CPSF4L: variants seen among roughly 807,000 people sequenced by gnomAD.
CPSF4L encodes the protein cleavage and polyadenylation specific factor 4 like, also known as putative cleavage and polyadenylation specificity factor subunit 4-like protein.
A neutral mutation model predicts 24.0 loss-of-function variants in CPSF4L; 18 were observed. That is an observed-to-expected ratio of 0.75 (90% confidence interval 0.52 to 1.11). CPSF4L has a LOEUF of 1.11. CPSF4L is among the 50% of genes least tolerant of loss of function. The pLI, the probability that CPSF4L is intolerant of heterozygous loss-of-function variation, is 0.00. For missense variants in CPSF4L, 211 were observed against 221.8 expected, an observed-to-expected ratio of 0.95 and a Z score of 0.31; for synonymous variants, 72 against 77.2, an observed-to-expected ratio of 0.93 and a Z score of 0.35.
rs1367496499 is a variant in CPSF4L, at chr17:73,253,913, T to G, written c.403+18A>C. 7 of 1,535,932 alleles carry G rather than the reference T, an allele frequency of 4.6e-6. No homozygotes were observed. The Admixed American group carries it at 1.4e-4, about 30-fold the overall frequency. The stretch of plus-strand genomic sequence containing the variant: ...GATCCCCACAGCCCCTAGGGCTCCC[T>G]GGCTTCCAAGGCCTCACCGTCCTTG... On this transcript the variant is annotated intron_variant, in intron 4 of 5. Transcript: ENST00000344935.
intron 5 of CPSF4L, among the ~76,000 whole-genome samples, chr17:73,250,559 A>G (rs778586368): frequency 1.2e-4 from 19 of 152,238 alleles, no homozygotes; most frequent in Non-Finnish European, 2.4e-4. Context: ...ATTCTCTTGC[A>G]GAATGGAGAC....
At chr17:73,256,655 T>C (rs1415600563) in intron 3 of CPSF4L, among the ~76,000 whole-genome samples, 1 of 152,244 alleles carries the variant, frequency 6.6e-6, no homozygotes. Context: ...GGGTGAGACC[T>C]GAAGCACATT....
downstream of CPSF4L, chr17:73,245,048 C>A: frequency 1.1e-6 from 1 of 896,986 alleles, no homozygotes; most frequent in South Asian, 1.6e-5. Flanking sequence ...TCTCATTGTG[C>A]TTAATACTCT....
At chr17:73,243,302 GCAC>G in the CPSF4L span, 7 of 377,386 alleles carry the variant, frequency 1.9e-5, no homozygotes, top group Admixed American at 3.8e-5. Context: ...TTATAGGCAT[GCAC>G]CACCATGCCC....
chr17:73,260,190 C>T (rs2062039884), intron 2 of CPSF4L, among the ~76,000 whole-genome samples: 1 of 152,056 alleles, frequency 6.6e-6, no homozygotes, highest in East Asian at 1.9e-4. Flanking sequence ...CAAACTGAGT[C>T]AGAGCAGGGG....
intron 2 of CPSF4L, 26 bp downstream of exon 2, chr17:73,260,907 G>C (rs772358651): frequency 6.5e-6 from 10 of 1,547,298 alleles, no homozygotes; most frequent in Non-Finnish European, 7.9e-6. Flanking sequence ...ACCCAGCTTG[G>C]GGCCCAGGCC....
At chr17:73,247,320 C>T (rs762802279), downstream of CPSF4L, 5 of 1,614,204 alleles carry the variant, frequency 3.1e-6, no homozygotes, top group South Asian at 3.3e-5. Context: ...GGGATTGCCG[C>T]TCTAAAACAT....
In CPSF4L at chr17:73,257,710, A is replaced by G. The variant is rs941026281; in HGVS notation, c.278T>C (p.Met93Thr). The G allele has an allele frequency of 6.4e-7, 1 of 1,551,724 alleles. No homozygotes were observed. The highest frequency in any genetic ancestry group is 8.7e-7 in the Non-Finnish European group (1 of 1,147,030). The change falls in exon 3 of 6, where the codon ATG (methionine) becomes ACG (threonine). Residue 93 changes from methionine (M) to threonine (T), a missense_variant. Met to Thr is a moderately conservative substitution (Grantham distance 81, BLOSUM62 -1). Transcript: ENST00000344935. ...CTTGGAGTAGAAGTAGCACTCAGGC[A>G]TCCTGGTGAGGTCATACTGGTGCAG... ...KFLHQYDLTRMPECYFYSKFG... is the reference protein window; with the variant it reads ...KFLHQYDLTRTPECYFYSKFG...
intron 5 of CPSF4L, chr17:73,250,993 C>G (rs1410093770): frequency 6.5e-7 from 1 of 1,546,050 alleles, no homozygotes; most frequent in Admixed American, 2.0e-5. Context: ...AGGCCCTGCC[C>G]TTGACCCCTG....
At position 73,252,678 on chromosome 17, in the gene CPSF4L, T is replaced by C. The variant is rs765285744; in HGVS notation, c.449A>G (p.Asn150Ser). The stretch of plus-strand genomic sequence containing the variant: ...CTCGGGGCAGAAGCCAACTAAATAG[T>C]TGAGACACATTATTCTGGGGACATG... ...YRHVPRIMCL[N>S]YLVGFCPEGP... is the part of the protein sequence containing the mutation. The change falls in exon 5 of 6, where the codon AAC (asparagine) becomes AGC (serine). Residue 150 changes from asparagine to serine, a missense_variant. Physicochemically the swap from Asn to Ser is conservative, Grantham distance 46. Coordinates refer to ENST00000344935, the MANE Select transcript of CPSF4L (RefSeq NM_001129885.1). 1.3e-4 allele frequency: 198 copies of C among 1,551,434 alleles called. No homozygotes were observed. Among genetic ancestry groups the C allele is most frequent in the Non-Finnish European group, 1.6e-4 (181 of 1,146,928 alleles).
At chr17:73,245,299 G>A (rs146053340), downstream of CPSF4L, 12 of 1,452,914 alleles carry the variant, frequency 8.3e-6, no homozygotes, top group East Asian at 2.8e-4. Flanking sequence ...GGGACAGGGA[G>A]AGGGGAGTGA....
intron 2 of CPSF4L, 48 bp from the exon 3 acceptor site, chr17:73,257,881 G>A (rs547130817): frequency 1.3e-6 from 2 of 1,545,228 alleles, no homozygotes; most frequent in South Asian, 2.4e-5. Flanking sequence ...TCCACAGCCT[G>A]GGCCCAGCTC....
intron 2 of CPSF4L, among the ~76,000 whole-genome samples, chr17:73,259,997 ACT>A (rs1410076452): frequency 2.6e-5 from 4 of 151,704 alleles, no homozygotes; most frequent in Admixed American, 1.3e-4. Flanking sequence ...AAAGTTGAAA[ACT>A]CTTATATTTG....
At chr17:73,245,139 T>C (rs369473844), downstream of CPSF4L, 1 of 1,612,274 alleles carries the variant, frequency 6.2e-7, no homozygotes, top group Non-Finnish European at 8.5e-7. Context: ...GCCTCTCGGA[T>C]CCTTACATTT....
intron 3 of CPSF4L, among the ~76,000 whole-genome samples, chr17:73,256,548 C>G (rs1433730377): frequency 2.0e-5 from 3 of 152,208 alleles, no homozygotes; most frequent in Admixed American, 2.0e-4. Flanking sequence ...TTGTAGGTCA[C>G]TCTTTATGGA....
upstream of CPSF4L, chr17:73,261,957 G>T: frequency 1.5e-6 from 1 of 655,964 alleles, no homozygotes; most frequent in Non-Finnish European, 2.7e-6. Context: ...GGTGACTGCA[G>T]GGGACGCTCC....
chr17:73,252,699 A>G lies in CPSF4L; in HGVS notation c.428T>C (p.Val143Ala). 6.4e-7 allele frequency: 1 copy of G among 1,551,298 alleles called. No individual in the cohort carries two copies. Among genetic ancestry groups the G allele is most frequent in the South Asian group, 1.2e-5 (1 of 83,998 alleles). The change falls in exon 5 of 6, where the codon GTC (valine) becomes GCC (alanine). Residue 143 changes from valine (V) to alanine (A), a missense_variant. Physicochemically the swap from Val to Ala is moderately conservative, Grantham distance 64 (BLOSUM62 0). Transcript: ENST00000344935. ...ATAGTTGAGACACATTATTCTGGGG[A>G]CATGGCGGTATTTACACAGAGGACC... ...KDGPLCKYRH[V>A]PRIMCLNYLV...
chr17:73,261,205 T>A (rs1184103742), intron 1 of CPSF4L, among the ~76,000 whole-genome samples: 1 of 152,230 alleles, frequency 6.6e-6, no homozygotes, highest in African/African-American at 2.4e-5. Context: ...GGCTCAAGCC[T>A]GGCCCAGGAG....
chr17:73,258,284 A>G (rs1417357028), intron 2 of CPSF4L, among the ~76,000 whole-genome samples: 1 of 151,950 alleles, frequency 6.6e-6, no homozygotes, highest in African/African-American at 2.4e-5. Flanking sequence ...TGCTGGGATT[A>G]CAGGCGTGAG....
Sources: allele counts gnomAD v4.1 joint callset (sites outside exome capture counted in the v4.1 genomes callset), GRCh38; gene constraint gnomAD v4.1.1; transcripts MANE v1.5; gene names NCBI Gene and HGNC (gene_info 2026-07-23, HGNC 2026-07-21).